PDE4D: variants seen among roughly 807,000 people sequenced by gnomAD.
PDE4D encodes 3',5'-cyclic-AMP phosphodiesterase 4D.
Under a neutral mutation model 87.4 loss-of-function variants are expected in PDE4D, and 24 were observed. The ratio of observed to expected loss-of-function variants is 0.27; its 90% CI spans 0.20 to 0.39. The LOEUF (loss-of-function observed/expected upper bound fraction) is 0.39. Ranked by LOEUF, PDE4D falls within the 10% of genes least tolerant of loss-of-function variation. PDE4D has a pLI of 1.00. For missense variants in PDE4D, 714 were observed against 1,041.0 expected (o/e 0.69, Z 4.32); for synonymous variants, 384 against 383.2 (o/e 1.00, Z -0.02).
At chr5:59,644,992 A>G (rs180901009) in intron 1 of PDE4D, among the ~76,000 whole-genome samples, 153 of 152,362 alleles carry the variant, frequency 1.0e-3, no homozygotes, top group Non-Finnish European at 1.8e-3. Flanking sequence ...AGATTATGCT[A>G]TTCAATGACT....
At chr5:59,300,645 A>G (rs941345355) in intron 1 of PDE4D, among the ~76,000 whole-genome samples, 1 of 152,136 alleles carries the variant, frequency 6.6e-6, no homozygotes, top group African/African-American at 2.4e-5. Context: ...AATCATCAAC[A>G]CAGATGAAGC....
At chr5:59,489,735 A>G (rs920092821) in intron 1 of PDE4D, among the ~76,000 whole-genome samples, 1 of 152,192 alleles carries the variant, frequency 6.6e-6, no homozygotes, top group Non-Finnish European at 1.5e-5. Context: ...TGACTCATTA[A>G]GGAAAAAAGA....
Position 59,727,115 on chromosome 5 carries a change from C to T in PDE4D, c.455+166053G>A, listed in dbSNP as rs148270323. On this transcript the variant is annotated intron_variant, in intron 1 of 14. Coordinates refer to ENST00000340635, the MANE Select transcript of PDE4D (RefSeq NM_001104631.2). ...TAAAAGTTGTTCTCATACTGTAGAACGGTTCTTCCCTAAAACTGTATCAAC... is the reference window on the plus strand; with the variant it reads ...TAAAAGTTGTTCTCATACTGTAGAATGGTTCTTCCCTAAAACTGTATCAAC... Among the ~76,000 whole-genome samples the T allele has an allele frequency of 5.1e-4, 78 of 152,192 alleles. No homozygotes were observed. The East Asian group carries it at 0.01, about 20-fold the overall frequency.
chr5:60,243,690 C>T (rs956246712), intron 1 of PDE4D, among the ~76,000 whole-genome samples: 1 of 151,820 alleles, frequency 6.6e-6, no homozygotes, highest in African/African-American at 2.4e-5. Context: ...TAGATCATAT[C>T]AACAGAATGA....
Position 59,316,244 on chromosome 5 carries a change from G to A in PDE4D, c.456-100276C>T, listed in dbSNP as rs542537543. ...CCAGTCTGAGTTTGGAATTGGAATC[G>A]GTATAGACATAAGATTCATGAAATT... On this transcript the variant is annotated intron_variant, in intron 1 of 14. Transcript: ENST00000340635. Among the ~76,000 whole-genome samples the A allele has an allele frequency of 5.9e-5, 9 of 152,160 alleles. No individual in the cohort carries two copies. The South Asian group carries it at 1.5e-3, about 25-fold the overall frequency.
In PDE4D at chr5:59,498,263, T is replaced by G. The variant is rs138438611; in HGVS notation, c.456-282295A>C. Among the ~76,000 whole-genome samples, 516 of 151,570 alleles carry G rather than the reference T, an allele frequency of 3.4e-3. 1 individual carries two copies. The highest frequency in any genetic ancestry group is 0.012 in the African/African-American group (494 of 41,364). ...TAGCCCACAGGCCCTAAGCAGTGAC[T>G]GAATCAATACTACAAAGCAACCAGA... On this transcript the variant is annotated intron_variant, in intron 1 of 14. Transcript: ENST00000340635.
At position 59,790,871 on chromosome 5, in the gene PDE4D, A is replaced by G. The variant is rs185476198; in HGVS notation, c.455+102297T>C. Among the ~76,000 whole-genome samples the G allele has an allele frequency of 5.3e-5, 8 of 152,290 alleles. No individual in the cohort carries two copies. The East Asian group carries it at 1.4e-3, about 26-fold the overall frequency. On this transcript the variant is annotated intron_variant, in intron 1 of 14. Coordinates refer to ENST00000340635, the MANE Select transcript of PDE4D (RefSeq NM_001104631.2). ...GTCCTGTTAAACCCAGGTTGCTGCA[A>G]TCTGTTTCTTTCTCTGATAATAATT...
At chr5:60,242,983 G>A (rs1206100259) in intron 1 of PDE4D, among the ~76,000 whole-genome samples, 1 of 151,768 alleles carries the variant, frequency 6.6e-6, no homozygotes, top group Non-Finnish European at 1.5e-5. Context: ...AAATAATAAA[G>A]TTCAGAGCAG....
At chr5:59,661,657 A>C (rs1176299981) in intron 1 of PDE4D, among the ~76,000 whole-genome samples, 1 of 152,248 alleles carries the variant, frequency 6.6e-6, no homozygotes, top group East Asian at 1.9e-4. Context: ...GGAATAAAGC[A>C]GAACTTAGAC....
intron 1 of PDE4D, among the ~76,000 whole-genome samples, chr5:59,547,844 C>T (rs946739067): frequency 6.6e-6 from 1 of 152,180 alleles, no homozygotes; most frequent in African/African-American, 2.4e-5. Context: ...ACACAGAGGC[C>T]TGGTCAGTCA....
At chr5:60,429,943 G>T in intron 1 of PDE4D, 1 of 495,268 alleles carries the variant, frequency 2.0e-6, no homozygotes, top group Non-Finnish European at 4.0e-6. Flanking sequence ...TTTTAAAGTG[G>T]TAACAGGTAC....
chr5:59,745,028 C>T (rs981877667), intron 1 of PDE4D, among the ~76,000 whole-genome samples: 1 of 152,106 alleles, frequency 6.6e-6, no homozygotes, highest in Non-Finnish European at 1.5e-5. Flanking sequence ...TCTGTATTTC[C>T]ATTGATTACC....
intron 2 of PDE4D, among the ~76,000 whole-genome samples, chr5:60,046,157 GCT>G (rs1769212169): frequency 6.6e-6 from 1 of 152,000 alleles, no homozygotes; most frequent in African/African-American, 2.4e-5. Flanking sequence ...TCATGATTTG[GCT>G]CTCTGTTTGT....
chr5:60,086,352 C>A (rs1034527931), intron 2 of PDE4D, among the ~76,000 whole-genome samples: 7 of 152,122 alleles, frequency 4.6e-5, no homozygotes, highest in Non-Finnish European at 8.8e-5. Flanking sequence ...GTCCAGGGAG[C>A]TTTAGAAACA....
chr5:59,328,295 A>T (rs1189237554), intron 1 of PDE4D, among the ~76,000 whole-genome samples: 3 of 152,108 alleles, frequency 2.0e-5, no homozygotes, highest in Non-Finnish European at 4.4e-5. Flanking sequence ...AGGGGGTAAT[A>T]ATACTACATC....
chr5:59,153,092 C>T (rs1391853502), intron 5 of PDE4D, among the ~76,000 whole-genome samples: 1 of 152,006 alleles, frequency 6.6e-6, no homozygotes, highest in East Asian at 1.9e-4. Flanking sequence ...ACAAAAATCC[C>T]CCACCACCTC....
intron 1 of PDE4D, among the ~76,000 whole-genome samples, chr5:60,478,446 C>A (rs895646134): frequency 6.6e-6 from 1 of 152,130 alleles, no homozygotes; most frequent in Admixed American, 6.5e-5. Flanking sequence ...AGCCTCATCA[C>A]AGGGGACTTC....
chr5:59,670,805 C>A (rs1000119417), intron 1 of PDE4D, among the ~76,000 whole-genome samples: 3 of 151,636 alleles, frequency 2.0e-5, no homozygotes, highest in Non-Finnish European at 4.4e-5. Context: ...ATCAACATAG[C>A]TACTTTAATT....
At chr5:59,338,812 TC>T (rs1355786756) in intron 1 of PDE4D, among the ~76,000 whole-genome samples, 1 of 152,172 alleles carries the variant, frequency 6.6e-6, no homozygotes, top group Non-Finnish European at 1.5e-5. Context: ...TACAAAAATT[TC>T]CCACTGCTAT....
Sources: allele counts gnomAD v4.1 joint callset (sites outside exome capture counted in the v4.1 genomes callset), GRCh38; gene constraint gnomAD v4.1.1; transcripts MANE v1.5; gene names NCBI Gene and HGNC (gene_info 2026-07-23, HGNC 2026-07-21).